The following MS4A5 variants were observed in gnomAD, a reference collection of about 807,000 sequenced individuals.
MS4A5 encodes membrane-spanning 4-domains subfamily A member 5.
A neutral mutation model predicts 18.2 loss-of-function variants in MS4A5; 15 were observed. The ratio of observed to expected loss-of-function variants is 0.83; its 90% CI spans 0.55 to 1.27. The LOEUF (loss-of-function observed/expected upper bound fraction) is 1.27, where lower values mean the gene tolerates loss of function less well. Among genes scored for constraint, MS4A5 ranks in the 50% most tolerant of loss-of-function variants. MS4A5 has a pLI of 0.00. For missense variants in MS4A5, 232 were observed against 225.7 expected, an observed-to-expected ratio of 1.03 and a Z score of -0.18; for synonymous variants, 89 against 78.7, an observed-to-expected ratio of 1.13 and a Z score of -0.69.
intron 1 of MS4A5, 54 bp from the exon 2 acceptor site, chr11:60,430,742 A>G (rs548450569): frequency 1.0e-4 from 167 of 1,594,482 alleles, no homozygotes; most frequent in Non-Finnish European, 6.0e-5. Flanking sequence ...TTCTAAACAG[A>G]AGGGAAACTA....
intron 4 of MS4A5, among the ~76,000 whole-genome samples, chr11:60,437,503 T>C (rs2086086882): frequency 6.6e-6 from 1 of 152,114 alleles, no homozygotes; most frequent in Non-Finnish European, 1.5e-5. Flanking sequence ...TCAAGACCCA[T>C]CAGTGTGCTG....
intron 4 of MS4A5, among the ~76,000 whole-genome samples, chr11:60,445,250 T>C (rs1412610495): frequency 6.6e-6 from 1 of 151,674 alleles, no homozygotes; most frequent in Non-Finnish European, 1.5e-5. Context: ...GAAAAAGAGA[T>C]AAAAGACATT....
chr11:60,447,208 T>C (rs1590837062), intron 4 of MS4A5, among the ~76,000 whole-genome samples: 1 of 152,034 alleles, frequency 6.6e-6, no homozygotes, highest in South Asian at 2.1e-4. Flanking sequence ...TGCTATCCTA[T>C]GCTATGCTAT....
intron 4 of MS4A5, among the ~76,000 whole-genome samples, chr11:60,442,116 C>T (rs11827754): frequency 6.6e-6 from 1 of 152,058 alleles, no homozygotes; most frequent in Non-Finnish European, 1.5e-5. Context: ...ATAAAATTGA[C>T]CTAAATGTCA....
At chr11:60,445,433 G>C (rs1019152969) in intron 4 of MS4A5, among the ~76,000 whole-genome samples, 2 of 151,796 alleles carry the variant, frequency 1.3e-5, no homozygotes, top group African/African-American at 4.8e-5. Context: ...CTAATTTTTT[G>C]TATTTTAGTA....
chr11:60,431,020 T>C (rs1488448596), intron 2 of MS4A5, 96 bp downstream of exon 2: 8 of 1,436,490 alleles, frequency 5.6e-6, no homozygotes, highest in Non-Finnish European at 7.5e-6. Flanking sequence ...TTGTATGACA[T>C]GCTTTCAAAA....
At chr11:60,437,211 C>G (rs1384295114) in intron 4 of MS4A5, among the ~76,000 whole-genome samples, 2 of 148,440 alleles carry the variant, frequency 1.3e-5, no homozygotes, top group East Asian at 3.9e-4. Flanking sequence ...ACTTTACAGA[C>G]AAGCAAATGC....
chr11:60,447,763 G>T lies in MS4A5; in HGVS notation c.*4G>T, dbSNP rs1449651663. 2.0e-6 allele frequency: 3 copies of T among 1,509,984 alleles called. No individual in the cohort carries two copies. The African/African-American group carries it at 4.2e-5, about 21-fold the overall frequency. 93.5% of individuals were successfully genotyped at this position (1,509,984 alleles called of 1,614,324 possible). A position where few individuals can be genotyped will look rare whatever the true frequency, so the allele number is the denominator to read the frequency against. ...TGATTGTGAACAATGTTGTTGACTA[G>T]CACTGTGAGAATAAAGATGTGTTAA... On this transcript the variant is annotated 3_prime_UTR_variant, in exon 5 of 5. Coordinates refer to ENST00000300190, the MANE Select transcript of MS4A5 (RefSeq NM_023945.3).
chr11:60,430,623 G>A (rs2086043562), intron 1 of MS4A5, among the ~76,000 whole-genome samples, 173 bp from the exon 2 acceptor site: 1 of 152,182 alleles, frequency 6.6e-6, no homozygotes, highest in Admixed American at 6.5e-5. Context: ...CCAAATACCA[G>A]ATAGAGGAAT....
intron 4 of MS4A5, among the ~76,000 whole-genome samples, chr11:60,445,497 C>A (rs2086133987): frequency 6.6e-6 from 1 of 152,036 alleles, no homozygotes; most frequent in Non-Finnish European, 1.5e-5. Flanking sequence ...TGAGCTCAGG[C>A]AATCCACCAG....
At chr11:60,435,583 G>A (rs151127903) in intron 4 of MS4A5, 3,263 of 299,506 alleles carry the variant, frequency 0.011, 110 homozygotes, top group African/African-American at 0.069. Context: ...TGCACCCTGC[G>A]CGAGCCGAAG....
chr11:60,442,237 T>G (rs996282249), intron 4 of MS4A5, among the ~76,000 whole-genome samples: 2 of 152,238 alleles, frequency 1.3e-5, no homozygotes, highest in East Asian at 1.9e-4. Context: ...TATTTTGAAG[T>G]ACATATATGC....
intron 4 of MS4A5, among the ~76,000 whole-genome samples, chr11:60,444,207 GA>G (rs2086127940): frequency 6.6e-6 from 1 of 152,092 alleles, no homozygotes; most frequent in Non-Finnish European, 1.5e-5. Flanking sequence ...GAAGAAATCT[GA>G]AATAAAATAT....
At position 60,435,571 on chromosome 11, in the gene MS4A5, C is replaced by T. The variant is rs1316510847; in HGVS notation, c.492+1654C>T. 22 of 329,504 alleles carry T rather than the reference C, an allele frequency of 6.7e-5. No individual in the cohort carries two copies. The East Asian group carries it at 1.6e-3, about 25-fold the overall frequency. 20.4% of individuals were successfully genotyped at this position (329,504 alleles called of 1,614,324 possible). On this transcript the variant is annotated intron_variant, in intron 4 of 4. Transcript: ENST00000300190. The stretch of plus-strand genomic sequence containing the variant: ...GACAGTGGGCGCAGGTCAGTGGGTG[C>T]GTGCACCCTGCGCGAGCCGAAGCAG...
chr11:60,441,848 CAAAT>C (rs1171057904), intron 4 of MS4A5, among the ~76,000 whole-genome samples: 1 of 151,992 alleles, frequency 6.6e-6, no homozygotes, highest in Non-Finnish European at 1.5e-5. Context: ...TAGTAACAAA[CAAAT>C]AGATTTAAGG....
intron 4 of MS4A5, among the ~76,000 whole-genome samples, chr11:60,447,184 G>C (rs1268118389): frequency 4.6e-5 from 7 of 150,766 alleles, no homozygotes; most frequent in Non-Finnish European, 1.0e-4. Context: ...GCTATGCTAT[G>C]CTATCCTATG....
At chr11:60,432,236 T>G (rs932483981) in intron 2 of MS4A5, among the ~76,000 whole-genome samples, 175 bp from the exon 3 acceptor site, 2 of 152,218 alleles carry the variant, frequency 1.3e-5, no homozygotes, top group Non-Finnish European at 2.9e-5. Context: ...ACCAGTGTTT[T>G]GTCCACTATT....
At chr11:60,430,539 C>G (rs1167837890) in intron 1 of MS4A5, among the ~76,000 whole-genome samples, 1 of 152,170 alleles carries the variant, frequency 6.6e-6, no homozygotes, top group African/African-American at 2.4e-5. Flanking sequence ...ATTTCTAGCT[C>G]CCAAGTGATC....
intron 3 of MS4A5, among the ~76,000 whole-genome samples, chr11:60,433,271 A>T (rs896931050): frequency 1.3e-5 from 2 of 152,230 alleles, no homozygotes; most frequent in African/African-American, 4.8e-5. Flanking sequence ...GTTATAGATA[A>T]ATTATAAGTA....
Sources: allele counts gnomAD v4.1 joint callset (sites outside exome capture counted in the v4.1 genomes callset), GRCh38; gene constraint gnomAD v4.1.1; transcripts MANE v1.5; gene names NCBI Gene and HGNC (gene_info 2026-07-23, HGNC 2026-07-21).